FXN: variants seen among roughly 807,000 people sequenced by gnomAD.
FXN encodes frataxin, also known as frataxin, mitochondrial.
FXN carries 14 observed loss-of-function variants against 22.4 expected under a neutral mutation model. That is an observed-to-expected ratio of 0.62 (90% confidence interval 0.41 to 0.98). The LOEUF (loss-of-function observed/expected upper bound fraction) is 0.98, where lower values mean the gene tolerates loss of function less well. Among genes scored for constraint, FXN ranks in the 50% least tolerant of loss-of-function variants. The pLI, the probability that FXN is intolerant of heterozygous loss-of-function variation, is 0.00. For missense variants in FXN, 267 were observed against 268.4 expected (o/e 0.99, Z 0.04); for synonymous variants, 120 against 114.1 (o/e 1.05, Z -0.33).
rs1316684728 is a variant in FXN at position 69,035,837 on chromosome 9, G to T, written c.55G>T (p.Ala19Ser). 2 of 1,511,038 alleles carry T rather than the reference G, an allele frequency of 1.3e-6. No homozygotes were observed. The highest frequency in any genetic ancestry group is 2.9e-5 in the African/African-American group (2 of 69,830). 93.6% of individuals were successfully genotyped at this position (1,511,038 alleles called of 1,614,324 possible). A position where few individuals can be genotyped will look rare whatever the true frequency, so the allele number is the denominator to read the frequency against. ...CGGCCTCCTGGCGTCACCCAGCCCA[G>T]CCCAGGCCCAGACCCTCACCCGGGT... ...VAGLLASPSP[A>S]QAQTLTRVPR... The change falls in exon 1 of 5, where the codon GCC (alanine) becomes TCC (serine). Residue 19 changes from alanine (A) to serine (S), a missense_variant. By Grantham distance (99) the Ala-to-Ser change is moderately conservative. Transcript: ENST00000484259.
chr9:69,064,720 A>G (rs999660665), intron 3 of FXN, among the ~76,000 whole-genome samples: 1 of 152,186 alleles, frequency 6.6e-6, no homozygotes, highest in Admixed American at 6.5e-5. Context: ...GCTCTATGAG[A>G]TACAACATCA....
At chr9:69,057,448 AT>A (rs1284004531) in intron 3 of FXN, among the ~76,000 whole-genome samples, 2 of 152,050 alleles carry the variant, frequency 1.3e-5, no homozygotes, top group Admixed American at 6.6e-5. Context: ...AGATGCCTAT[AT>A]TTTTCTAGCC....
rs1831543970 is a variant in FXN at position 69,036,004 on chromosome 9, C to G, written c.165+57C>G. The G allele has an allele frequency of 3.9e-6, 5 of 1,281,780 alleles. No homozygotes were observed. In the South Asian group the frequency reaches 9.5e-5, roughly 24 times the overall value. The allele number at this position is 1,281,780 out of a possible 1,614,324, so 79.4% of individuals were successfully genotyped here. A position where few individuals can be genotyped will look rare whatever the true frequency, so the allele number is the denominator to read the frequency against. On this transcript the variant is annotated intron_variant, in intron 1 of 4. Coordinates refer to ENST00000484259, the MANE Select transcript of FXN (RefSeq NM_000144.5). ...CGCACGCCGCGGGCCGCACGCCGCA[C>G]GCCTGCGCAGGGAGGCGCCGCGCAC...
rs974615124 is a variant in FXN, at chr9:69,075,939, A to T, written c.*3177A>T. On this transcript the variant is annotated 3_prime_UTR_variant, in exon 5 of 5. Coordinates refer to ENST00000484259, the MANE Select transcript of FXN (RefSeq NM_000144.5). ...AGGCTGGTCTCTAACACTTAGGCTC[A>T]AGTGATCCACCTGCCTCGTCCTCCC... 3.7e-6 allele frequency: 3 copies of T among 812,262 alleles called. No individual in the cohort carries two copies. The African/African-American group carries it at 5.6e-5, about 15-fold the overall frequency. 50.3% of individuals were successfully genotyped at this position (812,262 alleles called of 1,614,324 possible). A position where few individuals can be genotyped will look rare whatever the true frequency, so the allele number is the denominator to read the frequency against.
intron 4 of FXN, among the ~76,000 whole-genome samples, chr9:69,068,834 A>G (rs1832221077): frequency 6.6e-6 from 1 of 152,160 alleles, no homozygotes; most frequent in African/African-American, 2.4e-5. Flanking sequence ...GAGGGTTCCA[A>G]ATGAAATGAG....
At chr9:69,037,320 G>A (rs1412853399) in intron 1 of FXN, among the ~76,000 whole-genome samples, 3 of 142,512 alleles carry the variant, frequency 2.1e-5, no homozygotes, top group Admixed American at 1.4e-4. Context: ...AGAAAAGTTA[G>A]CCGGGCGTGG....
chr9:69,067,523 C>A (rs1477133669), intron 4 of FXN, among the ~76,000 whole-genome samples: 1 of 152,148 alleles, frequency 6.6e-6, no homozygotes, highest in African/African-American at 2.4e-5. Context: ...GCAGTTGGAG[C>A]CTGCACCCGC....
Position 69,077,998 on chromosome 9 carries a change from A to G in FXN, c.*5236A>G. The G allele has an allele frequency of 1.0e-6, 1 of 985,292 alleles. No homozygotes were observed. The highest frequency in any genetic ancestry group is 1.2e-6 in the Non-Finnish European group (1 of 829,828). The allele number at this position is 985,292 out of a possible 1,614,324, so 61.0% of individuals were successfully genotyped here. Reference sequence around the variant, plus strand: ...GCTAAATTATATAGAAAAATAAGACAATATCATTTCCCAATTACATTCCTT... The same window carrying G: ...GCTAAATTATATAGAAAAATAAGACGATATCATTTCCCAATTACATTCCTT... On this transcript the variant is annotated 3_prime_UTR_variant, in exon 5 of 5. Coordinates refer to ENST00000484259, the MANE Select transcript of FXN (RefSeq NM_000144.5).
intron 4 of FXN, among the ~76,000 whole-genome samples, chr9:69,065,946 T>C (rs886832160): frequency 6.6e-6 from 1 of 152,210 alleles, no homozygotes; most frequent in Admixed American, 6.5e-5. Flanking sequence ...GAGTGTTATA[T>C]ATTGCTGCTC....
chr9:69,035,918 A>T lies in FXN; in HGVS notation c.136A>T (p.Ile46Phe). Residue 46 changes from isoleucine (I) to phenylalanine (F), a missense_variant, in exon 1 of 5, where the codon ATC (isoleucine) becomes TTC (phenylalanine). Physicochemically the swap from Ile to Phe is conservative, Grantham distance 21. Transcript: ENST00000484259. ...CGGCCGCCGTGGCCTGCGCACCGACATCGATGCGACCTGCACGCCCCGCCG... is the reference window on the plus strand; with the variant it reads ...CGGCCGCCGTGGCCTGCGCACCGACTTCGATGCGACCTGCACGCCCCGCCG... ...LCGRRGLRTD[I>F]DATCTPRRAS... The T allele has an allele frequency of 6.8e-7, 1 of 1,460,992 alleles. No homozygotes were observed. 90.5% of individuals were successfully genotyped at this position (1,460,992 alleles called of 1,614,324 possible).
chr9:69,068,501 C>T (rs1832215342), intron 4 of FXN, among the ~76,000 whole-genome samples: 1 of 152,206 alleles, frequency 6.6e-6, no homozygotes, highest in South Asian at 2.1e-4. Context: ...AGCTGCAGAG[C>T]CCTCGGGAGC....
intron 1 of FXN, among the ~76,000 whole-genome samples, chr9:69,042,082 A>C (rs988016720): frequency 6.6e-6 from 1 of 152,132 alleles, no homozygotes; most frequent in Admixed American, 6.6e-5. Flanking sequence ...TCCTAAAAAC[A>C]CAAAAATTAG....
At chr9:69,057,944 A>C (rs891915322) in intron 3 of FXN, among the ~76,000 whole-genome samples, 5 of 152,236 alleles carry the variant, frequency 3.3e-5, no homozygotes, top group Non-Finnish European at 7.3e-5. Flanking sequence ...CTTTGATCCC[A>C]GTGTCTGGAA....
chr9:69,037,284 A>AGAAAGAAGAAG (rs1554758734), intron 1 of FXN, among the ~76,000 whole-genome samples: 1 of 78,060 alleles, frequency 1.3e-5, no homozygotes. Flanking sequence ...AAAAAAAAAA[A>AGAAAGAAGAAG]AAGAAGAAGA....
Position 69,075,321 on chromosome 9 carries a change from G to A in FXN, c.*2559G>A, listed in dbSNP as rs970139418. On this transcript the variant is annotated 3_prime_UTR_variant, in exon 5 of 5. Transcript: ENST00000484259. ...AAAAATATTAAAAAATTGGCTGGGCGTGGTGGTTCGTGCCTATAATTTCAG... is the reference window on the plus strand; with the variant it reads ...AAAAATATTAAAAAATTGGCTGGGCATGGTGGTTCGTGCCTATAATTTCAG... 1.9e-5 allele frequency: 11 copies of A among 584,524 alleles called. No individual in the cohort carries two copies. The highest frequency in any genetic ancestry group is 1.4e-4 in the African/African-American group (7 of 49,186). The allele number at this position is 584,524 out of a possible 1,614,324, so 36.2% of individuals were successfully genotyped here.
chr9:69,069,864 G>T (rs1031316853), intron 4 of FXN, among the ~76,000 whole-genome samples: 1 of 152,204 alleles, frequency 6.6e-6, no homozygotes, highest in African/African-American at 2.4e-5. Context: ...TCACACCCAT[G>T]ACCACTACAT....
At chr9:69,046,237 A>G in intron 1 of FXN, 148 bp from the exon 2 acceptor site, 2 of 675,282 alleles carry the variant, frequency 3.0e-6, no homozygotes, top group South Asian at 1.7e-5. Context: ...ATTTTTTTTA[A>G]GAAAAGCAAC....
chr9:69,069,647 A>G (rs1832237258), intron 4 of FXN, among the ~76,000 whole-genome samples: 1 of 152,216 alleles, frequency 6.6e-6, no homozygotes, highest in African/African-American at 2.4e-5. Flanking sequence ...AATCCAAAGG[A>G]GTAAAGAGCT....
chr9:69,066,042 C>T (rs1832159991), intron 4 of FXN, among the ~76,000 whole-genome samples: 2 of 152,178 alleles, frequency 1.3e-5, no homozygotes, highest in African/African-American at 4.8e-5. Context: ...ACAATGTGGC[C>T]TGCATAGCAT....
Sources: allele counts gnomAD v4.1 joint callset (sites outside exome capture counted in the v4.1 genomes callset), GRCh38; gene constraint gnomAD v4.1.1; transcripts MANE v1.5; gene names NCBI Gene and HGNC (gene_info 2026-07-23, HGNC 2026-07-21).